The following EXOC4 variants were observed in gnomAD, a reference collection of about 807,000 sequenced individuals.
The protein encoded by EXOC4 is exocyst complex component 4.
Under a neutral mutation model 107.2 loss-of-function variants are expected in EXOC4, and 71 were observed. The observed-to-expected ratio is 0.66, with a 90% CI of 0.55 to 0.81. The LOEUF (loss-of-function observed/expected upper bound fraction) is 0.81. EXOC4 is among the 30% of genes least tolerant of loss of function. The pLI, the probability that EXOC4 is intolerant of heterozygous loss-of-function variation, is 0.00. For missense variants in EXOC4, 1,108 were observed against 1,189.6 expected, an observed-to-expected ratio of 0.93 and a Z score of 1.01; for synonymous variants, 456 against 441.2, an observed-to-expected ratio of 1.03 and a Z score of -0.42.
At chr7:133,527,952 A>G (rs1440106797) in intron 9 of EXOC4, among the ~76,000 whole-genome samples, 1 of 152,176 alleles carries the variant, frequency 6.6e-6, no homozygotes, top group Admixed American at 6.5e-5. Context: ...TCATTCTCGA[A>G]CTTTATTTGC....
At chr7:133,469,968 G>A (rs748866331) in intron 7 of EXOC4, among the ~76,000 whole-genome samples, 1 of 152,170 alleles carries the variant, frequency 6.6e-6, no homozygotes, top group African/African-American at 2.4e-5. Flanking sequence ...GGCTAATTAG[G>A]GGTTGGTTGT....
chr7:134,026,170 C>T (rs1389515745), intron 17 of EXOC4, among the ~76,000 whole-genome samples: 5 of 151,898 alleles, frequency 3.3e-5, no homozygotes, highest in Non-Finnish European at 7.4e-5. Context: ...GGATTCAGAC[C>T]GTATCAGCAA....
intron 8 of EXOC4, among the ~76,000 whole-genome samples, chr7:133,477,632 G>A (rs1288628124): frequency 6.6e-6 from 1 of 152,184 alleles, no homozygotes; most frequent in African/African-American, 2.4e-5. Context: ...AGGTTTTGGT[G>A]TGGACATAAA....
At chr7:133,263,931 A>G (rs567104970) in intron 1 of EXOC4, among the ~76,000 whole-genome samples, 8 of 152,238 alleles carry the variant, frequency 5.3e-5, no homozygotes, top group South Asian at 2.1e-4. Context: ...ATCTGCTTCA[A>G]TTTGTATAAC....
chr7:133,716,214 T>A (rs1794995226), intron 10 of EXOC4, among the ~76,000 whole-genome samples: 1 of 152,262 alleles, frequency 6.6e-6, no homozygotes, highest in Non-Finnish European at 1.5e-5. Flanking sequence ...ATACTTACAA[T>A]GTGCAGGGCA....
intron 9 of EXOC4, among the ~76,000 whole-genome samples, chr7:133,517,704 C>CCG (rs1799904547): frequency 6.6e-6 from 1 of 151,736 alleles, no homozygotes; most frequent in Non-Finnish European, 1.5e-5. Flanking sequence ...TCAATTACCC[C>CCG]CCACTGGATT....
At chr7:133,829,028 G>C (rs1388954018) in intron 11 of EXOC4, among the ~76,000 whole-genome samples, 1 of 152,204 alleles carries the variant, frequency 6.6e-6, no homozygotes, top group East Asian at 1.9e-4. Context: ...GGATTCAAGA[G>C]AGACCTTAGG....
chr7:134,094,609 C>T, the EXOC4 span, among the ~76,000 whole-genome samples: 19 of 151,688 alleles, frequency 1.3e-4, no homozygotes, highest in African/African-American at 4.1e-4. Context: ...AAAGACACAA[C>T]GAAAAAAGGA....
chr7:133,366,915 C>T (rs553542076), intron 6 of EXOC4, among the ~76,000 whole-genome samples: 22 of 152,016 alleles, frequency 1.4e-4, no homozygotes, highest in South Asian at 1.0e-3. Context: ...GCAACATGGC[C>T]GGCATGAGCA....
chr7:133,506,161 C>G (rs993563010), intron 9 of EXOC4, among the ~76,000 whole-genome samples: 1 of 151,922 alleles, frequency 6.6e-6, no homozygotes, highest in Non-Finnish European at 1.5e-5. Flanking sequence ...TTTAGAATAC[C>G]TGAATAAATT....
chr7:133,472,215 CTG>C (rs1278216173), intron 7 of EXOC4, among the ~76,000 whole-genome samples: 2 of 152,068 alleles, frequency 1.3e-5, no homozygotes, highest in Admixed American at 6.5e-5. Flanking sequence ...TGTTTTAGGA[CTG>C]TCAGTCTGTT....
the EXOC4 span, among the ~76,000 whole-genome samples, chr7:134,086,879 A>T: frequency 2.0e-5 from 3 of 152,208 alleles, no homozygotes; most frequent in African/African-American, 7.2e-5. Context: ...TCGCCTTTTT[A>T]GACCATATAG....
intron 9 of EXOC4, among the ~76,000 whole-genome samples, chr7:133,527,418 A>G (rs1800101828): frequency 1.3e-5 from 2 of 152,152 alleles, no homozygotes; most frequent in African/African-American, 2.4e-5. Flanking sequence ...AAAAAATAAA[A>G]TAAAATAAAT....
intron 9 of EXOC4, among the ~76,000 whole-genome samples, chr7:133,500,369 A>T (rs1345269344): frequency 6.6e-6 from 1 of 152,212 alleles, no homozygotes; most frequent in Non-Finnish European, 1.5e-5. Flanking sequence ...AACTTCTATA[A>T]TTTGATATAA....
chr7:133,630,211 C>T (rs1450972501), intron 10 of EXOC4, 70 bp downstream of exon 10: 2 of 1,211,042 alleles, frequency 1.7e-6, no homozygotes, highest in Non-Finnish European at 2.4e-6. Flanking sequence ...CTACTGAATG[C>T]CAGTTGTTGA....
rs984800192 is a variant in EXOC4 at position 133,310,612 on chromosome 7, G to A, written c.656+4551G>A. On this transcript the variant is annotated intron_variant, in intron 4 of 17. Coordinates refer to ENST00000253861, the MANE Select transcript of EXOC4 (RefSeq NM_021807.4). ...GCTCTAAAGCCCAGTAGGAACCAAC[G>A]GAGATTAAGCAGCTGAGCACACACA... is the stretch of plus-strand genomic sequence containing the variant. 3.3e-5 allele frequency among the ~76,000 whole-genome samples: 5 copies of A among 152,202 alleles called. No individual in the cohort carries two copies. In the South Asian group the frequency reaches 6.2e-4, roughly 19 times the overall value.
chr7:133,765,290 C>G (rs1330086239), intron 10 of EXOC4, among the ~76,000 whole-genome samples: 1 of 151,978 alleles, frequency 6.6e-6, no homozygotes, highest in Non-Finnish European at 1.5e-5. Flanking sequence ...TGATCCCTGC[C>G]TGCCTTTGGA....
intron 5 of EXOC4, among the ~76,000 whole-genome samples, chr7:133,334,782 C>G (rs1795473577): frequency 6.7e-6 from 1 of 149,474 alleles, no homozygotes; most frequent in African/African-American, 2.4e-5. Context: ...TCCATGTGTT[C>G]TCATCATTTA....
At chr7:133,862,394 A>G (rs1364220308) in intron 11 of EXOC4, among the ~76,000 whole-genome samples, 2 of 152,074 alleles carry the variant, frequency 1.3e-5, no homozygotes, top group African/African-American at 4.8e-5. Context: ...GAGGCAGGAG[A>G]ATCGCTTGAA....
Sources: gnomAD v4.1 joint callset for allele counts (sites outside exome capture counted in the v4.1 genomes callset) on GRCh38, gnomAD v4.1.1 for gene constraint, MANE v1.5 for transcripts, NCBI Gene and HGNC (gene_info 2026-07-23, HGNC 2026-07-21) for gene names.